ANAPC4: variants seen among roughly 807,000 people sequenced by gnomAD.
ANAPC4 encodes the protein anaphase-promoting complex subunit 4.
ANAPC4 carries 63 observed loss-of-function variants against 119.8 expected under a neutral mutation model. The ratio of observed to expected loss-of-function variants is 0.53; its 90% CI spans 0.43 to 0.65. The LOEUF is 0.65. ANAPC4 is among the 30% of genes least tolerant of loss of function. The probability of loss-of-function intolerance (pLI) is 0.00; values close to 1 mark genes in which losing one functional copy is unlikely to be tolerated. For missense variants in ANAPC4, 716 were observed against 945.1 expected (o/e 0.76, Z 3.18); for synonymous variants, 283 against 318.6 (o/e 0.89, Z 1.19).
chr4:25,385,930 T>C (rs1722006024), intron 4 of ANAPC4, among the ~76,000 whole-genome samples: 1 of 152,158 alleles, frequency 6.6e-6, no homozygotes, highest in Non-Finnish European at 1.5e-5. Context: ...TATTTTTATT[T>C]ATTTATTATT....
At chr4:25,390,832 A>G in intron 8 of ANAPC4, 79 bp from the exon 9 acceptor site, 7 of 1,061,980 alleles carry the variant, frequency 6.6e-6, no homozygotes, top group Non-Finnish European at 9.8e-6. Context: ...TAAAGCTCTG[A>G]GTTTTTGCTT....
Position 25,415,447 on chromosome 4 carries a change from T to C in ANAPC4, c.1827-19T>C, listed in dbSNP as rs899399006. The C allele has an allele frequency of 4.4e-6, 7 of 1,600,698 alleles. No individual in the cohort carries two copies. The highest frequency in any genetic ancestry group is 1.1e-5 in the South Asian group (1 of 89,752). On this transcript the variant is annotated intron_variant, in intron 25 of 28. Coordinates refer to ENST00000315368, the MANE Select transcript of ANAPC4 (RefSeq NM_013367.3). ...GGTTGTTCCACAGAGTCTCTTTTTTTCCCCCTTCTTTCTTGAAGATCTGTG... is the reference window on the plus strand; with the variant it reads ...GGTTGTTCCACAGAGTCTCTTTTTTCCCCCCTTCTTTCTTGAAGATCTGTG...
At chr4:25,417,932 T>C (rs1723973232) in intron 28 of ANAPC4, 193 bp downstream of exon 28, 1 of 854,722 alleles carries the variant, frequency 1.2e-6, no homozygotes, top group Admixed American at 3.2e-5. Context: ...GCTTACTAAG[T>C]AGTTAATAAT....
At chr4:25,415,752 C>T (rs1050863345) in intron 26 of ANAPC4, 33 of 438,436 alleles carry the variant, frequency 7.5e-5, no homozygotes, top group Middle Eastern at 5.8e-4. Context: ...TTATGTCGTA[C>T]GGTTTCCTAT....
chr4:25,416,636 A>G lies in ANAPC4; in HGVS notation c.2075+38A>G, dbSNP rs777346140. 20 of 1,420,344 alleles carry G rather than the reference A, an allele frequency of 1.4e-5. No individual in the cohort carries two copies. In the Admixed American group the frequency reaches 4.5e-4, roughly 32 times the overall value. The allele number at this position is 1,420,344 out of a possible 1,614,324, so 88.0% of individuals were successfully genotyped here. A position where few individuals can be genotyped will look rare whatever the true frequency, so the allele number is the denominator to read the frequency against. The stretch of plus-strand genomic sequence containing the variant: ...ATTGTCTTTCTGATATTACAGTTAA[A>G]TGTTTTTTTAATGCACATTATAAAT... On this transcript the variant is annotated intron_variant, in intron 27 of 28. Transcript: ENST00000315368.
chr4:25,405,543 A>G lies in ANAPC4; in HGVS notation c.1271-30A>G, dbSNP rs1185970143. On this transcript the variant is annotated intron_variant, in intron 17 of 28. Transcript: ENST00000315368. The surrounding 1 kb of genome is among the most constrained non-coding windows in gnomAD (Gnocchi z 4.6). ...AAAATTATGTTTGTAGTTTGCTTTT[A>G]AAGATAGTTTTTTAACTTTGTATTT... 1.2e-6 allele frequency: 2 copies of G among 1,603,180 alleles called. No homozygotes were observed.
chr4:25,391,083 T>G, intron 9 of ANAPC4, 68 bp downstream of exon 9: 1 of 1,180,020 alleles, frequency 8.5e-7, no homozygotes, highest in Non-Finnish European at 1.2e-6. Context: ...TAGGTTTTTA[T>G]CCACATCTCA....
intron 18 of ANAPC4, among the ~76,000 whole-genome samples, chr4:25,406,555 C>A (rs1240431336): frequency 6.6e-6 from 1 of 152,132 alleles, no homozygotes; most frequent in Non-Finnish European, 1.5e-5. Context: ...TAGCACAAGG[C>A]CTGAAATAAT....
At chr4:25,394,596 A>G (rs1722533436) in intron 12 of ANAPC4, 75 bp from the exon 13 acceptor site, 1 of 1,463,420 alleles carries the variant, frequency 6.8e-7, no homozygotes, top group South Asian at 1.3e-5. Flanking sequence ...TGTGCTTCGA[A>G]ATTTAAAAGT....
chr4:25,394,233 G>C (rs1722511335), intron 11 of ANAPC4, 77 bp from the exon 12 acceptor site: 1 of 1,178,572 alleles, frequency 8.5e-7, no homozygotes, highest in Non-Finnish European at 1.2e-6. Context: ...AGGGAGTCAT[G>C]CTCCTATAAT....
chr4:25,400,318 G>A (rs1722895950), intron 16 of ANAPC4, among the ~76,000 whole-genome samples: 1 of 152,078 alleles, frequency 6.6e-6, no homozygotes. Flanking sequence ...GAAGGGAAAG[G>A]GTTGGAAAAG....
intron 16 of ANAPC4, among the ~76,000 whole-genome samples, chr4:25,398,283 A>C (rs1213607438): frequency 6.6e-6 from 1 of 152,218 alleles, no homozygotes; most frequent in Non-Finnish European, 1.5e-5. Flanking sequence ...TAATGTTGAG[A>C]AAAACCAAGC....
chr4:25,409,915 A>G (rs1202796776), intron 21 of ANAPC4, 124 bp downstream of exon 21: 14 of 629,746 alleles, frequency 2.2e-5, no homozygotes, highest in Non-Finnish European at 3.6e-5. Context: ...TTAGACTTAT[A>G]TTTATTTGAT....
At chr4:25,393,133 T>C (rs558629909) in intron 10 of ANAPC4, among the ~76,000 whole-genome samples, 10 of 152,340 alleles carry the variant, frequency 6.6e-5, no homozygotes, top group African/African-American at 2.4e-4. Flanking sequence ...ATTAATTTAT[T>C]TGATATTAAA....
At position 25,380,495 on chromosome 4, in the gene ANAPC4, C is replaced by CA. The variant is rs753927768; in HGVS notation, c.235+24dup. On this transcript the variant is annotated intron_variant, in intron 3 of 28. Transcript: ENST00000315368. The stretch of plus-strand genomic sequence containing the variant: ...GATGGCAAACGTAATGATAATATTA[C>CA]AAAAAAAATATGTTTTTATTTTCAC... 202 of 1,547,606 alleles carry CA rather than the reference C, an allele frequency of 1.3e-4. No homozygotes were observed. Among genetic ancestry groups the CA allele is most frequent in the East Asian group, 1.6e-4 (7 of 44,186 alleles).
intron 8 of ANAPC4, 127 bp from the exon 9 acceptor site, chr4:25,390,784 A>G (rs1363168339): frequency 1.5e-6 from 1 of 662,904 alleles, no homozygotes; most frequent in Non-Finnish European, 2.6e-6. Flanking sequence ...CATCTGCTAC[A>G]TGTGTGTGGC....
chr4:25,408,912 C>T (rs1363250090), intron 20 of ANAPC4, among the ~76,000 whole-genome samples: 1 of 152,140 alleles, frequency 6.6e-6, no homozygotes, highest in Non-Finnish European at 1.5e-5. Flanking sequence ...AAGATTCGTA[C>T]TCAAGGGTTG....
At chr4:25,416,889 T>G (rs1723907957) in intron 27 of ANAPC4, 1 of 205,892 alleles carries the variant, frequency 4.9e-6, no homozygotes, top group Non-Finnish European at 9.7e-6. Context: ...AAGGATAGCA[T>G]TAACCCTAGT....
chr4:25,391,146 A>G (rs1461535302), intron 9 of ANAPC4, 131 bp downstream of exon 9: 2 of 625,372 alleles, frequency 3.2e-6, no homozygotes, highest in African/African-American at 3.7e-5. Context: ...TGGAATTTCT[A>G]CATCCTAATA....
Sources: gnomAD v4.1 joint callset for allele counts (sites outside exome capture counted in the v4.1 genomes callset) on GRCh38, gnomAD v4.1.1 for gene constraint, Gnocchi (gnomAD v3.1) non-coding constraint, MANE v1.5 for transcripts, NCBI Gene and HGNC (gene_info 2026-07-23, HGNC 2026-07-21) for gene names.